Variants in FANCD2 observed in about 807,000 individuals in gnomAD.
FANCD2 encodes FA complementation group D2.
In FANCD2, 131 loss-of-function variants were observed where a neutral mutation model predicts 192.3. The ratio of observed to expected loss-of-function variants is 0.68; its 90% CI spans 0.59 to 0.79. The LOEUF (loss-of-function observed/expected upper bound fraction) is 0.79. Among genes scored for constraint, FANCD2 ranks in the 30% least tolerant of loss-of-function variants. The pLI is 0.00. For missense variants in FANCD2, 1,508 were observed against 1,701.6 expected (o/e 0.89, Z 2.00); for synonymous variants, 524 against 612.5 (o/e 0.86, Z 2.13).
intron 18 of FANCD2, among the ~76,000 whole-genome samples, chr3:10,056,422 T>G (rs188413690): frequency 6.6e-6 from 1 of 152,188 alleles, no homozygotes; most frequent in South Asian, 2.1e-4. Flanking sequence ...AGCTGCATAA[T>G]TTTACATTCC....
At chr3:10,030,477 A>AG (rs2086565318) in intron 2 of FANCD2, among the ~76,000 whole-genome samples, 1 of 152,184 alleles carries the variant, frequency 6.6e-6, no homozygotes, top group African/African-American at 2.4e-5. Context: ...ATTTCTTACT[A>AG]GGTTATTGGA....
In FANCD2 at chr3:10,074,516, T is replaced by C; in HGVS notation, c.2716-14T>C. On this transcript the variant is annotated splice_polypyrimidine_tract_variant and intron_variant, in intron 28 of 43. Transcript: ENST00000675286. ...GATTTATATATTCTCTTTGTTGCTG[T>C]GACTTCCCCATAGGAGTTCACAGGG... is the stretch of plus-strand genomic sequence containing the variant. 2 of 1,610,882 alleles carry C rather than the reference T, an allele frequency of 1.2e-6. No individual in the cohort carries two copies. Among genetic ancestry groups the C allele is most frequent in the Non-Finnish European group, 1.7e-6 (2 of 1,177,896 alleles).
intron 3 of FANCD2, among the ~76,000 whole-genome samples, chr3:10,033,323 C>T (rs1307174874): frequency 2.6e-5 from 4 of 152,230 alleles, no homozygotes; most frequent in African/African-American, 9.6e-5. Context: ...ATTGCTTGAA[C>T]CCGGGAGGTG....
At chr3:10,059,521 C>T (rs186750908) in intron 18 of FANCD2, among the ~76,000 whole-genome samples, 7 of 152,106 alleles carry the variant, frequency 4.6e-5, no homozygotes, top group Non-Finnish European at 2.9e-5. Flanking sequence ...TTCTCCATTT[C>T]GGGCCAGGCA....
At position 10,030,018 on chromosome 3, in the gene FANCD2, C is replaced by T. The variant is rs1575725676; in HGVS notation, c.64+1297C>T. The stretch of plus-strand genomic sequence containing the variant: ...CCAGGGGCTGTCTGGAACTCCTGAC[C>T]TCAAGTGATCCATCCATCTCGGCCT... On this transcript the variant is annotated intron_variant, in intron 2 of 43. Transcript: ENST00000675286. 2.0e-5 allele frequency among the ~76,000 whole-genome samples: 3 copies of T among 151,970 alleles called. No individual in the cohort carries two copies. In the East Asian group the frequency reaches 5.8e-4, roughly 29 times the overall value.
chr3:10,078,213 AGCATAGGACTTGG>A lies in FANCD2; in HGVS notation c.2976+23_2976+35del, dbSNP rs769121339. On this transcript the variant is annotated intron_variant, in intron 30 of 43. Coordinates refer to ENST00000675286, the MANE Select transcript of FANCD2 (RefSeq NM_001018115.3). ...CTTTCTCAAGGTTAGTGTAGGCAGA[AGCATAGGACTTGG>A]GCATAGTGGATTTGGGAACAAAGGA... is the stretch of plus-strand genomic sequence containing the variant. 12 of 1,502,108 alleles carry A rather than the reference AGCATAGGACTTGG, an allele frequency of 8.0e-6. No homozygotes were observed. In the South Asian group the frequency reaches 1.3e-4, roughly 17 times the overall value. The allele number at this position is 1,502,108 out of a possible 1,614,324, so 93.0% of individuals were successfully genotyped here. A position where few individuals can be genotyped will look rare whatever the true frequency, so the allele number is the denominator to read the frequency against.
At chr3:10,043,339 T>A (rs1575749230) in intron 12 of FANCD2, 145 bp from the exon 13 acceptor site, 2 of 818,482 alleles carry the variant, frequency 2.4e-6, no homozygotes, top group East Asian at 5.3e-5. Context: ...TTCAGATCAA[T>A]CCCAGACAGA....
At chr3:10,034,937 A>T in intron 5 of FANCD2, 139 bp downstream of exon 5, 2 of 771,852 alleles carry the variant, frequency 2.6e-6, no homozygotes, top group Admixed American at 2.2e-5. Flanking sequence ...AACTAAGTTT[A>T]AAATTCCTAA....
At position 10,039,319 on chromosome 3, in the gene FANCD2, A is replaced by C; in HGVS notation, c.532A>C (p.Ser178Arg). The change falls in exon 8 of 44, where the codon AGT (serine) becomes CGT (arginine). Residue 178 changes from serine (S) to arginine (R), a missense_variant. Ser to Arg is a moderately radical substitution (Grantham distance 110, BLOSUM62 -1). This residue lies in a region of FANCD2 where 435 missense variants were observed against 421.9 expected (regional missense o/e 1.03). Coordinates refer to ENST00000675286, the MANE Select transcript of FANCD2 (RefSeq NM_001018115.3). The stretch of plus-strand genomic sequence containing the variant: ...AATCAACATACCTCGACTCATTGTC[A>C]GTCAACTAAAATGGCTTGACAGAGT... ...DEINIPRLIVSQLKWLDRVVD... is the reference protein window; with the variant it reads ...DEINIPRLIVRQLKWLDRVVD... 6.2e-7 allele frequency: 1 copy of C among 1,614,016 alleles called. No individual in the cohort carries two copies. The highest frequency in any genetic ancestry group is 8.5e-7 in the Non-Finnish European group (1 of 1,179,882).
chr3:10,035,286 T>C, intron 6 of FANCD2, 53 bp downstream of exon 6: 1 of 1,480,604 alleles, frequency 6.8e-7, no homozygotes. Flanking sequence ...TTGTGGTGTA[T>C]GCTCAAGTCT....
At chr3:10,054,350 T>C (rs563291828) in intron 18 of FANCD2, among the ~76,000 whole-genome samples, 105 of 120,440 alleles carry the variant, frequency 8.7e-4, no homozygotes, top group African/African-American at 1.6e-3. Context: ...TATATATATA[T>C]ACGTATATAT....
Position 10,078,167 on chromosome 3 carries a change from T to A in FANCD2, c.2946T>A (p.Pro982=). 1.2e-6 allele frequency: 2 copies of A among 1,612,922 alleles called. No individual in the cohort carries two copies. Among genetic ancestry groups the A allele is most frequent in the East Asian group, 2.2e-5 (1 of 44,842 alleles). ...LSQKLESMLT[P]PIARRVPFLK... The stretch of plus-strand genomic sequence containing the variant: ...AGAAGCTGGAGAGTATGCTGACACC[T>A]CCTATTGCCAGGAGAGTCCCCTTTC... The change falls in exon 30 of 44, where the codon CCT becomes CCA. Residue 982 remains proline (P), a synonymous_variant. Transcript: ENST00000675286.
At chr3:10,094,891 C>T (rs958804399) in intron 40 of FANCD2, 1 of 414,812 alleles carries the variant, frequency 2.4e-6, no homozygotes, top group African/African-American at 2.0e-5. Flanking sequence ...CCTCACAGCC[C>T]TGAAAGAGAA....
At chr3:10,059,554 G>T (rs765205079) in intron 18 of FANCD2, among the ~76,000 whole-genome samples, 1 of 152,164 alleles carries the variant, frequency 6.6e-6, no homozygotes, top group Non-Finnish European at 1.5e-5. Context: ...TGTAATCCCA[G>T]CACTTTGGGA....
Position 10,046,327 on chromosome 3 carries a change from A to G in FANCD2, c.1135-253A>G, listed in dbSNP as rs1983416. 0.013 allele frequency: 5,758 copies of G among 446,022 alleles called. 292 individuals are homozygous for G. Among genetic ancestry groups the G allele is most frequent in the African/African-American group, 0.11 (5,303 of 49,530 alleles). 27.6% of individuals were successfully genotyped at this position (446,022 alleles called of 1,614,324 possible). A position where few individuals can be genotyped will look rare whatever the true frequency, so the allele number is the denominator to read the frequency against. On this transcript the variant is annotated intron_variant, in intron 14 of 43. Transcript: ENST00000675286. The stretch of plus-strand genomic sequence containing the variant: ...CTTGGCCTCCCAAAGTGCTGGGATT[A>G]CAGATGTGAGCCACTGTGCCTGGCC...
chr3:10,039,443 G>T, intron 8 of FANCD2, 86 bp downstream of exon 8: 1 of 1,200,524 alleles, frequency 8.3e-7, no homozygotes. Context: ...TTTCTAAACA[G>T]AAAATTCATA....
At chr3:10,047,852 C>T in intron 15 of FANCD2, 65 bp from the exon 16 acceptor site, 1 of 1,599,512 alleles carries the variant, frequency 6.3e-7, no homozygotes, top group African/African-American at 1.3e-5. Context: ...GGATAAGCAA[C>T]TCTTAGGTTG....
In FANCD2 at chr3:10,078,447, C is replaced by T. The variant is rs546962411; in HGVS notation, c.2976+250C>T. Among the ~76,000 whole-genome samples, 30 of 151,910 alleles carry T rather than the reference C, an allele frequency of 2.0e-4. 1 individual carries two copies. The East Asian group carries it at 3.7e-3, about 19-fold the overall frequency. On this transcript the variant is annotated intron_variant, in intron 30 of 43. Coordinates refer to ENST00000675286, the MANE Select transcript of FANCD2 (RefSeq NM_001018115.3). ...TCGGCTCACTGCAAGCTCCGCCTCC[C>T]GGGTTCATGTCATTCTCCTGCCTCA... is the stretch of plus-strand genomic sequence containing the variant.
At chr3:10,028,565 CT>C in intron 1 of FANCD2, 59 bp from the exon 2 acceptor site, 1 of 1,145,708 alleles carries the variant, frequency 8.7e-7, no homozygotes, top group Middle Eastern at 1.9e-4. Flanking sequence ...TGAACAATAG[CT>C]TTAACTTCTC....
Sources: gnomAD v4.1 joint callset for allele counts (sites outside exome capture counted in the v4.1 genomes callset) on GRCh38, gnomAD v4.1.1 for gene constraint, gnomAD v4.1.1 regional missense constraint, MANE v1.5 for transcripts, NCBI Gene and HGNC (gene_info 2026-07-23, HGNC 2026-07-21) for gene names.